Variants in TMEM132C observed in about 807,000 individuals in gnomAD.
TMEM132C encodes the protein protein phosphatase 1, regulatory subunit 152.
Under a neutral mutation model 61.4 loss-of-function variants are expected in TMEM132C, and 29 were observed. That is an observed-to-expected ratio of 0.47 (90% CI 0.35 to 0.64). The LOEUF (loss-of-function observed/expected upper bound fraction) is 0.64, where lower values mean the gene tolerates loss of function less well. Among genes scored for constraint, TMEM132C ranks in the 30% least tolerant of loss-of-function variants. The pLI, the probability that TMEM132C is intolerant of heterozygous loss-of-function variation, is 0.00. For synonymous variants in TMEM132C, 656 were observed against 633.1 expected, an observed-to-expected ratio of 1.04 and a Z score of -0.54; for missense variants, 1,408 against 1,476.9, an observed-to-expected ratio of 0.95 and a Z score of 0.76.
At chr12:128,396,548 G>A (rs908634362) in intron 1 of TMEM132C, among the ~76,000 whole-genome samples, 1 of 152,132 alleles carries the variant, frequency 6.6e-6, no homozygotes, top group Non-Finnish European at 1.5e-5. Flanking sequence ...TTCTGCACAT[G>A]TATCTCAGAA....
chr12:128,487,088 C>A (rs1871524403), intron 2 of TMEM132C, among the ~76,000 whole-genome samples: 1 of 152,132 alleles, frequency 6.6e-6, no homozygotes, highest in Non-Finnish European at 1.5e-5. Flanking sequence ...ATTCCGGAAA[C>A]CCAGCCACCG....
chr12:128,587,994 A>G (rs1275957168), intron 3 of TMEM132C, among the ~76,000 whole-genome samples: 1 of 152,114 alleles, frequency 6.6e-6, no homozygotes. Flanking sequence ...CTTAAATAGC[A>G]CTCAATCCGG....
chr12:128,518,648 A>G (rs1344653757), intron 2 of TMEM132C, among the ~76,000 whole-genome samples: 1 of 152,242 alleles, frequency 6.6e-6, no homozygotes, highest in Non-Finnish European at 1.5e-5. Flanking sequence ...TAAAAGTAAT[A>G]CTTCTTTTGA....
chr12:128,620,383 G>A (rs1172302543), intron 4 of TMEM132C, among the ~76,000 whole-genome samples: 2 of 152,092 alleles, frequency 1.3e-5, no homozygotes, highest in Non-Finnish European at 2.9e-5. Flanking sequence ...CTAGTGGAGC[G>A]ACAGACAGCA....
Position 128,415,503 on chromosome 12 carries a change from T to A in TMEM132C, c.857T>A (p.Leu286Gln). ...CAGGACAGCGCCCAGCTCAGCGAGC[T>A]GCGTTTGGATGGTAACGTGGTCATC... ...RAQDSAQLSELRLDGNVVIWL... is the reference protein window; with the variant it reads ...RAQDSAQLSEQRLDGNVVIWL... Residue 286 changes from leucine (L) to glutamine (Q), a missense_variant, in exon 2 of 9, where the codon CTG (leucine) becomes CAG (glutamine). By Grantham distance (113) the Leu-to-Gln change is moderately radical. Transcript: ENST00000435159. This position sits in a 1 kb window ranked among gnomAD's most constrained non-coding sequence, Gnocchi z 5.8. 6.4e-7 allele frequency: 1 copy of A among 1,551,550 alleles called. No individual in the cohort carries two copies. Among genetic ancestry groups the A allele is most frequent in the Non-Finnish European group, 8.7e-7 (1 of 1,146,990 alleles).
chr12:128,536,652 G>A (rs577410409), intron 2 of TMEM132C, among the ~76,000 whole-genome samples: 1 of 152,164 alleles, frequency 6.6e-6, no homozygotes, highest in Non-Finnish European at 1.5e-5. Flanking sequence ...GTTCCCGCAT[G>A]GGGACCCCCT....
intron 2 of TMEM132C, among the ~76,000 whole-genome samples, chr12:128,482,163 T>C (rs150747412): frequency 6.6e-6 from 1 of 152,356 alleles, no homozygotes; most frequent in East Asian, 1.9e-4. Context: ...ATGTGGTTTT[T>C]GTCGTTGGTT....
intron 3 of TMEM132C, among the ~76,000 whole-genome samples, chr12:128,574,761 C>T (rs190098380): frequency 6.6e-6 from 1 of 152,170 alleles, no homozygotes; most frequent in Non-Finnish European, 1.5e-5. Flanking sequence ...TTCCTTGGCC[C>T]TCATAAAGAA....
At chr12:128,358,084 C>G (rs1016733306) in intron 1 of TMEM132C, among the ~76,000 whole-genome samples, 39 of 152,034 alleles carry the variant, frequency 2.6e-4, no homozygotes, top group African/African-American at 8.9e-4. Flanking sequence ...GTGAGCCATT[C>G]GAGGTTTGAA....
chr12:128,268,287 C>G (rs1335838193), intron 1 of TMEM132C, among the ~76,000 whole-genome samples: 1 of 152,200 alleles, frequency 6.6e-6, no homozygotes, highest in Non-Finnish European at 1.5e-5. Flanking sequence ...CCGCAGGGCT[C>G]ACGAAAGGTA....
At chr12:128,561,807 T>C (rs939729154) in intron 3 of TMEM132C, among the ~76,000 whole-genome samples, 2 of 152,174 alleles carry the variant, frequency 1.3e-5, no homozygotes, top group African/African-American at 2.4e-5. Flanking sequence ...TCCATAGAGA[T>C]CCAAAGTGGT....
chr12:128,456,842 A>G (rs1448842143), intron 2 of TMEM132C, among the ~76,000 whole-genome samples: 5 of 152,096 alleles, frequency 3.3e-5, no homozygotes, highest in Admixed American at 2.6e-4. Flanking sequence ...CGAAGCAACC[A>G]CTGTCCTGAT....
chr12:128,377,575 CAG>C (rs1449293210), intron 1 of TMEM132C, among the ~76,000 whole-genome samples: 37 of 152,278 alleles, frequency 2.4e-4, no homozygotes, highest in African/African-American at 8.9e-4. Context: ...CAGGAAGTAT[CAG>C]AGTAGAAGAG....
chr12:128,391,485 CAGCAAAAG>C (rs1874762476), intron 1 of TMEM132C, among the ~76,000 whole-genome samples: 1 of 152,208 alleles, frequency 6.6e-6, no homozygotes, highest in Non-Finnish European at 1.5e-5. Context: ...CCCCAGAGCC[CAGCAAAAG>C]ATTAAGTAGC....
At chr12:128,328,395 C>G (rs773751819) in intron 1 of TMEM132C, among the ~76,000 whole-genome samples, 1 of 152,118 alleles carries the variant, frequency 6.6e-6, no homozygotes, top group Non-Finnish European at 1.5e-5. Flanking sequence ...AACACTGACC[C>G]CCCGGCTTAC....
At chr12:128,676,822 C>T (rs1954592684) in intron 5 of TMEM132C, among the ~76,000 whole-genome samples, 1 of 152,200 alleles carries the variant, frequency 6.6e-6, no homozygotes, top group African/African-American at 2.4e-5. Context: ...ATATCGCTGC[C>T]TTGGAGCACT....
intron 1 of TMEM132C, among the ~76,000 whole-genome samples, chr12:128,297,172 C>T (rs1004442657): frequency 6.6e-6 from 1 of 152,096 alleles, no homozygotes; most frequent in African/African-American, 2.4e-5. Flanking sequence ...TCAGTTGGTG[C>T]TGGCTTGAAA....
chr12:128,695,006 T>C (rs1232957747), intron 6 of TMEM132C, among the ~76,000 whole-genome samples: 3 of 152,200 alleles, frequency 2.0e-5, no homozygotes, highest in African/African-American at 7.2e-5. Flanking sequence ...CCTCATAGTG[T>C]TATGAGGTTA....
At chr12:128,464,778 A>AAGAG (rs1308687937) in intron 2 of TMEM132C, among the ~76,000 whole-genome samples, 28 of 102,506 alleles carry the variant, frequency 2.7e-4, no homozygotes, top group African/African-American at 9.9e-4. Context: ...GAAAGAAAGA[A>AAGAG]AGAAAGAGAG....
Sources: allele counts gnomAD v4.1 joint callset (sites outside exome capture counted in the v4.1 genomes callset), GRCh38; gene constraint gnomAD v4.1.1; non-coding constraint Gnocchi (gnomAD v3.1); transcripts MANE v1.5; gene names NCBI Gene and HGNC (gene_info 2026-07-23, HGNC 2026-07-21).